Variants in CDC25A observed in about 807,000 individuals in gnomAD.
CDC25A encodes cell division cycle 25A.
A neutral mutation model predicts 64.6 loss-of-function variants in CDC25A; 17 were observed. The ratio of observed to expected loss-of-function variants is 0.26; its 90% CI spans 0.18 to 0.39. The LOEUF is 0.39. Ranked by LOEUF, CDC25A falls within the 10% of genes least tolerant of loss-of-function variation. The pLI is 1.00. For synonymous variants in CDC25A, 229 were observed against 238.6 expected (o/e 0.96, Z 0.37); for missense variants, 473 against 654.8 (o/e 0.72, Z 3.03).
In CDC25A at chr3:48,164,448, A is replaced by G; in HGVS notation, c.1192-11T>C. On this transcript the variant is annotated splice_polypyrimidine_tract_variant and intron_variant, in intron 12 of 14. Coordinates refer to ENST00000302506, the MANE Select transcript of CDC25A (RefSeq NM_001789.3). ...CAAGTTCACTGCACCCTGTGAAGACAACAGAGACCCTTGGAACCTGCACGT... is the reference window on the plus strand; with the variant it reads ...CAAGTTCACTGCACCCTGTGAAGACGACAGAGACCCTTGGAACCTGCACGT... 6.5e-7 allele frequency: 1 copy of G among 1,537,380 alleles called. No homozygotes were observed. The highest frequency in any genetic ancestry group is 1.3e-5 in the South Asian group (1 of 78,510).
chr3:48,164,248 T>A, intron 13 of CDC25A, 59 bp downstream of exon 13: 2 of 1,451,640 alleles, frequency 1.4e-6, no homozygotes, highest in Admixed American at 2.7e-5. Context: ...CAAACCACCA[T>A]GTCCCACAAA....
intron 9 of CDC25A, among the ~76,000 whole-genome samples, chr3:48,170,319 C>A (rs938324944): frequency 6.6e-6 from 1 of 152,158 alleles, no homozygotes; most frequent in Non-Finnish European, 1.5e-5. Context: ...CTTCAGACAC[C>A]AGTTGGGCCT....
chr3:48,175,288 A>G (rs2032414217), intron 8 of CDC25A, among the ~76,000 whole-genome samples: 1 of 151,916 alleles, frequency 6.6e-6, no homozygotes, highest in Non-Finnish European at 1.5e-5. Flanking sequence ...ACAGAGCAAG[A>G]CTCTGTCTCA....
intron 4 of CDC25A, 24 bp downstream of exon 4, chr3:48,183,776 A>G: frequency 6.6e-7 from 1 of 1,512,590 alleles, no homozygotes; most frequent in Non-Finnish European, 9.2e-7. Context: ...GTATTAGCTC[A>G]AAATAAACAA....
At chr3:48,165,226 A>G (rs1183405196) in intron 12 of CDC25A, among the ~76,000 whole-genome samples, 1 of 151,856 alleles carries the variant, frequency 6.6e-6, no homozygotes, top group Non-Finnish European at 1.5e-5. Context: ...TGGAGGCATC[A>G]CTAGGCCTGG....
At position 48,180,576 on chromosome 3, in the gene CDC25A, A is replaced by G. The variant is rs988580029; in HGVS notation, c.549+145T>C. 19 of 809,262 alleles carry G rather than the reference A, an allele frequency of 2.3e-5. No individual in the cohort carries two copies. The African/African-American group carries it at 3.2e-4, about 14-fold the overall frequency. 50.1% of individuals were successfully genotyped at this position (809,262 alleles called of 1,614,324 possible). On this transcript the variant is annotated intron_variant, in intron 6 of 14. Transcript: ENST00000302506. ...TTCTCCAGACACAGCAAAACCACCA[A>G]GAATGCTTGACAGTCTAATTTCAAA... is the stretch of plus-strand genomic sequence containing the variant.
intron 13 of CDC25A, among the ~76,000 whole-genome samples, chr3:48,161,616 G>A (rs1575257961): frequency 6.6e-6 from 1 of 152,040 alleles, no homozygotes; most frequent in East Asian, 1.9e-4. Context: ...GGCTGAGGTG[G>A]GAGAATCACT....
At position 48,171,600 on chromosome 3, in the gene CDC25A, G is replaced by C. The variant is rs549837068; in HGVS notation, c.930+2684C>G. ...TTCACCATATTGGCCAGGCTGGTAT[G>C]GAACTCCTGACCTCGTGATCCACCC... On this transcript the variant is annotated intron_variant, in intron 9 of 14. Coordinates refer to ENST00000302506, the MANE Select transcript of CDC25A (RefSeq NM_001789.3). Among the ~76,000 whole-genome samples the C allele has an allele frequency of 2.6e-5, 4 of 151,726 alleles. No individual in the cohort carries two copies. The South Asian group carries it at 8.3e-4, about 32-fold the overall frequency.
chr3:48,157,509 C>T lies in CDC25A; in HGVS notation c.*1436G>A, dbSNP rs563673171. The T allele has an allele frequency of 2.0e-5, 3 of 152,718 alleles. No individual in the cohort carries two copies. In the East Asian group the frequency reaches 5.8e-4, roughly 29 times the overall value. The allele number at this position is 152,718 out of a possible 1,614,324, so 9.5% of individuals were successfully genotyped here. A position where few individuals can be genotyped will look rare whatever the true frequency, so the allele number is the denominator to read the frequency against. Reference sequence around the variant, plus strand: ...GAGACTGTCTCCTGTTTAAGAAAAACCCACCTACACCTCAGTGAAGCCGTG... The same window carrying T: ...GAGACTGTCTCCTGTTTAAGAAAAATCCACCTACACCTCAGTGAAGCCGTG... On this transcript the variant is annotated 3_prime_UTR_variant, in exon 15 of 15. Coordinates refer to ENST00000302506, the MANE Select transcript of CDC25A (RefSeq NM_001789.3).
chr3:48,184,003 ACCC>A (rs2032759593), intron 3 of CDC25A, among the ~76,000 whole-genome samples, 167 bp from the exon 4 acceptor site: 1 of 152,006 alleles, frequency 6.6e-6, no homozygotes, highest in African/African-American at 2.4e-5. Context: ...TCTCAGGAGC[ACCC>A]CCAACACTAG....
intron 9 of CDC25A, among the ~76,000 whole-genome samples, chr3:48,172,868 A>G (rs953952218): frequency 6.6e-6 from 1 of 151,872 alleles, no homozygotes; most frequent in Non-Finnish European, 1.5e-5. Context: ...TCTCAGAAAC[A>G]GGAAACAACA....
At chr3:48,175,976 C>T (rs1308229730) in intron 8 of CDC25A, among the ~76,000 whole-genome samples, 4 of 152,096 alleles carry the variant, frequency 2.6e-5, no homozygotes, top group South Asian at 4.1e-4. Flanking sequence ...ACCAGCCTGG[C>T]CAACATAGTG....
At chr3:48,177,566 A>T in intron 7 of CDC25A, 124 bp from the exon 8 acceptor site, 1 of 730,716 alleles carries the variant, frequency 1.4e-6, no homozygotes, top group Non-Finnish European at 2.3e-6. Flanking sequence ...TCCTTAATGT[A>T]CCATCCTATA....
chr3:48,165,599 T>C (rs1575261053), intron 12 of CDC25A, 37 bp downstream of exon 12: 1 of 1,430,914 alleles, frequency 7.0e-7, no homozygotes, highest in Non-Finnish European at 9.9e-7. Context: ...AGATCCTGTT[T>C]AGGGCTCCTT....
intron 5 of CDC25A, 99 bp from the exon 6 acceptor site, chr3:48,180,939 C>T: frequency 8.7e-7 from 1 of 1,145,122 alleles, no homozygotes; most frequent in Non-Finnish European, 1.3e-6. Context: ...CACCTTTCTG[C>T]CTCCAAATTA....
chr3:48,187,712 C>T (rs1011234002), intron 1 of CDC25A, 66 bp downstream of exon 1: 66 of 1,451,760 alleles, frequency 4.5e-5, no homozygotes, highest in Middle Eastern at 1.8e-4. Flanking sequence ...CGTTTCCTGG[C>T]CTGATCTCTC....
At chr3:48,168,114 T>G (rs2032107497) in intron 9 of CDC25A, among the ~76,000 whole-genome samples, 170 bp from the exon 10 acceptor site, 1 of 151,476 alleles carries the variant, frequency 6.6e-6, no homozygotes, top group African/African-American at 2.4e-5. Flanking sequence ...TGTGGGTTAT[T>G]GACTAGGTCT....
rs777662596 is a variant in CDC25A at position 48,158,916 on chromosome 3, T to A, written c.*29A>T. ...GGGTAAAGGGGGATGGAGGGAAGCTTGGGCTGCTGCTGGCTGGTCCTGCCG... is the reference window on the plus strand; with the variant it reads ...GGGTAAAGGGGGATGGAGGGAAGCTAGGGCTGCTGCTGGCTGGTCCTGCCG... On this transcript the variant is annotated 3_prime_UTR_variant, in exon 15 of 15. Coordinates refer to ENST00000302506, the MANE Select transcript of CDC25A (RefSeq NM_001789.3). 1.2e-6 allele frequency: 2 copies of A among 1,613,036 alleles called. No individual in the cohort carries two copies. The highest frequency in any genetic ancestry group is 3.3e-5 in the Admixed American group (2 of 59,892).
chr3:48,170,527 T>C (rs933959205), intron 9 of CDC25A, among the ~76,000 whole-genome samples: 1 of 152,218 alleles, frequency 6.6e-6, no homozygotes, highest in Non-Finnish European at 1.5e-5. Context: ...TGCCATGCTC[T>C]CCTTGGGTGC....
Sources: allele counts gnomAD v4.1 joint callset (sites outside exome capture counted in the v4.1 genomes callset), GRCh38; gene constraint gnomAD v4.1.1; transcripts MANE v1.5; gene names NCBI Gene and HGNC (gene_info 2026-07-23, HGNC 2026-07-21).